The following ZNF780B variants were observed in gnomAD, a reference collection of about 807,000 sequenced individuals.
ZNF780B encodes the protein zinc finger protein 780B, also known as zinc finger protein 779.
A neutral mutation model predicts 74.1 loss-of-function variants in ZNF780B; 52 were observed. The observed-to-expected ratio is 0.70, with a 90% CI of 0.56 to 0.88. The LOEUF is 0.88. Ranked by LOEUF, ZNF780B falls within the 40% of genes least tolerant of loss-of-function variation. ZNF780B has a pLI of 0.00. For missense variants in ZNF780B, 953 were observed against 1,007.6 expected (o/e 0.95, Z 0.73); for synonymous variants, 315 against 324.3 (o/e 0.97, Z 0.31).
chr19:40,050,064 G>A (rs962390043), intron 2 of ZNF780B, among the ~76,000 whole-genome samples: 2 of 151,938 alleles, frequency 1.3e-5, no homozygotes, highest in African/African-American at 4.8e-5. Flanking sequence ...AGGCGTGCTG[G>A]TGGGTGCCTG....
chr19:40,048,864 G>T, intron 2 of ZNF780B, 68 bp from the exon 3 acceptor site: 1 of 1,603,920 alleles, frequency 6.2e-7, no homozygotes, highest in Non-Finnish European at 8.5e-7. Context: ...AGGAGAGGAA[G>T]TGAAGGATTA....
intron 4 of ZNF780B, among the ~76,000 whole-genome samples, chr19:40,039,218 T>C (rs2144744836): frequency 6.6e-6 from 1 of 152,322 alleles, no homozygotes; most frequent in South Asian, 2.1e-4. Flanking sequence ...GATCAGATAG[T>C]TGTAGATAGG....
In ZNF780B at chr19:40,036,007, T is replaced by G. The variant is rs201804097; in HGVS notation, c.852A>C (p.Lys284Asn). 4.6e-4 allele frequency: 743 copies of G among 1,614,098 alleles called. 5 individuals carry two copies. The highest frequency in any genetic ancestry group is 5.6e-5 in the Non-Finnish European group (66 of 1,180,018). Reference sequence around the variant, plus strand: ...TAAGATTTGAACCACGATTAAAGGCTTTCCCACACTCCTTACATTGATATG... The same window carrying G: ...TAAGATTTGAACCACGATTAAAGGCGTTCCCACACTCCTTACATTGATATG... ...VKPYQCKECG[K>N]AFNRGSNLIQ... is the part of the protein sequence containing the mutation. The change falls in exon 5 of 5, where the codon AAA (lysine) becomes AAC (asparagine). Residue 284 changes from lysine to asparagine, a missense_variant. Physicochemically the swap from Lys to Asn is moderately conservative, Grantham distance 94 (BLOSUM62 0). Transcript: ENST00000434248.
In ZNF780B at chr19:40,050,395, C is replaced by T; in HGVS notation, c.-45-18G>A. The T allele has an allele frequency of 6.4e-7, 1 of 1,559,852 alleles. No homozygotes were observed. Among genetic ancestry groups the T allele is most frequent in the South Asian group, 1.2e-5 (1 of 86,558 alleles). The stretch of plus-strand genomic sequence containing the variant: ...CTTCTCCCCTGGAAAACAACAACAA[C>T]AAAAAGGCCCTAAGTCAAGCTGTGT... On this transcript the variant is annotated intron_variant, in intron 1 of 4. Coordinates refer to ENST00000434248, the MANE Select transcript of ZNF780B (RefSeq NM_001005851.3).
chr19:40,054,708 G>T (rs953081195), intron 1 of ZNF780B, among the ~76,000 whole-genome samples: 33 of 152,168 alleles, frequency 2.2e-4, no homozygotes, highest in African/African-American at 7.5e-4. Flanking sequence ...TATATGCCTA[G>T]CACTGCTCTA....
chr19:40,055,213 C>T (rs1489682032), intron 1 of ZNF780B, among the ~76,000 whole-genome samples: 1 of 147,204 alleles, frequency 6.8e-6, no homozygotes, highest in Non-Finnish European at 1.5e-5. Flanking sequence ...AAGGTGTGAA[C>T]GATTTGCCAA....
chr19:40,032,219 GAC>G lies in ZNF780B; in HGVS notation c.*2136_*2137del. ...CTCTCTAACTCTGGTTGGTATCACA[GAC>G]ACAAAACCTGGAGAAATAATAAAAA... On this transcript the variant is annotated 3_prime_UTR_variant, in exon 5 of 5. Transcript: ENST00000434248. The G allele has an allele frequency of 5.4e-6, 2 of 368,362 alleles. No individual in the cohort carries two copies. Among genetic ancestry groups the G allele is most frequent in the East Asian group, 1.4e-4 (2 of 13,858 alleles). 22.8% of individuals were successfully genotyped at this position (368,362 alleles called of 1,614,324 possible).
rs1236933039 is a variant in ZNF780B, at chr19:40,040,329, T to C, written c.233-3703A>G. On this transcript the variant is annotated intron_variant, in intron 4 of 4. Coordinates refer to ENST00000434248, the MANE Select transcript of ZNF780B (RefSeq NM_001005851.3). ...CGGTTTGCCAGTATTTTATTGAGGA[T>C]TTTTGCATCAATGTTCATGAAGGAT... Among the ~76,000 whole-genome samples, 7 of 152,330 alleles carry C rather than the reference T, an allele frequency of 4.6e-5. 1 individual carries two copies. Among genetic ancestry groups the C allele is most frequent in the African/African-American group, 1.7e-4 (7 of 41,570 alleles).
intron 3 of ZNF780B, 78 bp from the exon 4 acceptor site, chr19:40,047,548 A>G: frequency 1.1e-6 from 1 of 929,706 alleles, no homozygotes; most frequent in Non-Finnish European, 1.6e-6. Flanking sequence ...AGTTAAACTT[A>G]TAATAAATTA....
chr19:40,035,117 C>T lies in ZNF780B; in HGVS notation c.1742G>A (p.Gly581Glu). ...TTCCTTACATTCAAAGGGTTTCTTT[C>T]CGGTATGAATACTTCGATGTTGATT... ...NLNQHRSIHT[G>E]KKPFECKECG... is the part of the protein sequence containing the mutation. The change falls in exon 5 of 5, where the codon GGA (glycine) becomes GAA (glutamate). Residue 581 changes from glycine (G) to glutamate (E), a missense_variant. Gly to Glu is a moderately conservative substitution (Grantham distance 98). Coordinates refer to ENST00000434248, the MANE Select transcript of ZNF780B (RefSeq NM_001005851.3). 3 of 1,613,620 alleles carry T rather than the reference C, an allele frequency of 1.9e-6. No homozygotes were observed. The highest frequency in any genetic ancestry group is 1.7e-6 in the Non-Finnish European group (2 of 1,179,768).
At chr19:40,038,888 T>C (rs1432037613) in intron 4 of ZNF780B, among the ~76,000 whole-genome samples, 1 of 150,724 alleles carries the variant, frequency 6.6e-6, no homozygotes, top group Non-Finnish European at 1.5e-5. Flanking sequence ...GGTAGTTTCT[T>C]TTGCTGTGCA....
intron 4 of ZNF780B, among the ~76,000 whole-genome samples, chr19:40,037,206 T>C (rs1445634081): frequency 6.6e-6 from 1 of 151,012 alleles, no homozygotes; most frequent in Non-Finnish European, 1.5e-5. Context: ...TGAGCCATTG[T>C]GCCTGGCCTC....
In ZNF780B at chr19:40,034,351, A is replaced by C. The variant is rs367921147; in HGVS notation, c.*6T>G. 2 of 1,597,494 alleles carry C rather than the reference A, an allele frequency of 1.3e-6. No homozygotes were observed. On this transcript the variant is annotated 3_prime_UTR_variant, in exon 5 of 5. Coordinates refer to ENST00000434248, the MANE Select transcript of ZNF780B (RefSeq NM_001005851.3). ...GCCTTCCCACATTCCTTACATTCAAAGGTTTTCACCCAAGTATGAATTTTC... is the reference window on the plus strand; with the variant it reads ...GCCTTCCCACATTCCTTACATTCAACGGTTTTCACCCAAGTATGAATTTTC...
intron 3 of ZNF780B, among the ~76,000 whole-genome samples, chr19:40,048,195 A>C (rs779621073): frequency 1.3e-5 from 2 of 152,182 alleles, no homozygotes; most frequent in African/African-American, 4.8e-5. Flanking sequence ...CCCAGGCTGA[A>C]GTACAGTGGC....
At chr19:40,042,475 T>G (rs1000488720) in intron 4 of ZNF780B, among the ~76,000 whole-genome samples, 1 of 152,068 alleles carries the variant, frequency 6.6e-6, no homozygotes, top group East Asian at 1.9e-4. Context: ...GAAGTTCTCC[T>G]GGATAATATC....
At chr19:40,050,196 CAAAAAAAA>C (rs74179712) in intron 2 of ZNF780B, 120 bp downstream of exon 2, 5,096 of 392,100 alleles carry the variant, frequency 0.013, 26 homozygotes, top group Non-Finnish European at 0.017. Flanking sequence ...GACTCCGTCT[CAAAAAAAA>C]AAAAAAAAAA....
Position 40,035,775 on chromosome 19 carries a change from CA to C in ZNF780B, c.1083del (p.Phe361LeufsTer54). The C allele has an allele frequency of 6.2e-7, 1 of 1,614,136 alleles. No homozygotes were observed. The highest frequency in any genetic ancestry group is 8.5e-7 in the Non-Finnish European group (1 of 1,180,036). ...AAGGCCTTCCCGCATTCCCTGCATT[CA>C]AAGGGCTTCTCACCCATATGAATCT... Reference protein sequence around the residue: ...HQKIHMGEKPFECRECGKAFS... With the variant: ...HQKIHMGEKPXECRECGKAFS... On this transcript the variant is annotated frameshift_variant, in exon 5 of 5. Coordinates refer to ENST00000434248, the MANE Select transcript of ZNF780B (RefSeq NM_001005851.3). LOFTEE classifies it high-confidence loss of function.
In ZNF780B at chr19:40,035,753, G is replaced by T. The variant is rs749250087; in HGVS notation, c.1106C>A (p.Ala369Asp). Residue 369 changes from alanine (A) to aspartate (D), a missense_variant, in exon 5 of 5, where the codon GCC (alanine) becomes GAC (aspartate). Transcript: ENST00000434248. ...KPFECRECGK[A>D]FSLLNQLNRH... ...ATTAAGCTGATTGAGGAGACTAAAGGCCTTCCCGCATTCCCTGCATTCAAA... is the reference window on the plus strand; with the variant it reads ...ATTAAGCTGATTGAGGAGACTAAAGTCCTTCCCGCATTCCCTGCATTCAAA... The T allele has an allele frequency of 1.2e-6, 2 of 1,613,992 alleles. No homozygotes were observed. The highest frequency in any genetic ancestry group is 1.1e-5 in the South Asian group (1 of 91,074).
chr19:40,040,623 C>T (rs1972591226), intron 4 of ZNF780B, among the ~76,000 whole-genome samples: 1 of 152,066 alleles, frequency 6.6e-6, no homozygotes, highest in Admixed American at 6.6e-5. Context: ...TCAACTTCTT[C>T]CTGGTTTAGT....
Sources: gnomAD v4.1 joint callset for allele counts (sites outside exome capture counted in the v4.1 genomes callset) on GRCh38, gnomAD v4.1.1 for gene constraint, MANE v1.5 for transcripts, NCBI Gene and HGNC (gene_info 2026-07-23, HGNC 2026-07-21) for gene names.